Variants in ARHGAP39 observed in about 807,000 individuals in gnomAD.
ARHGAP39 encodes Rho GTPase activating protein 39, also known as rho GTPase-activating protein 39.
Under a neutral mutation model 106.9 loss-of-function variants are expected in ARHGAP39, and 44 were observed. The ratio of observed to expected loss-of-function variants is 0.41; its 90% CI spans 0.32 to 0.53. The LOEUF (loss-of-function observed/expected upper bound fraction) is 0.53, where lower values mean the gene tolerates loss of function less well. ARHGAP39 is among the 20% of genes least tolerant of loss of function. The pLI is 0.21. For missense variants in ARHGAP39, 1,496 were observed against 1,577.3 expected (o/e 0.95, Z 0.87); for synonymous variants, 768 against 693.2 (o/e 1.11, Z -1.69).
At chr8:144,655,164 A>C (rs999252876) in intron 1 of ARHGAP39, among the ~76,000 whole-genome samples, 20 of 152,098 alleles carry the variant, frequency 1.3e-4, no homozygotes, top group African/African-American at 4.8e-4. Context: ...GTGAGGCCCC[A>C]CCTCAGGCAA....
intron 3 of ARHGAP39, 65 bp downstream of exon 3, chr8:144,580,781 G>A: frequency 2.2e-5 from 1 of 45,518 alleles, no homozygotes; most frequent in Non-Finnish European, 3.7e-5. Flanking sequence ...CCCCCTACCT[G>A]CCTCACCTGG....
intron 2 of ARHGAP39, among the ~76,000 whole-genome samples, chr8:144,599,803 T>C (rs571591078): frequency 2.6e-5 from 4 of 151,982 alleles, no homozygotes; most frequent in Admixed American, 1.3e-4. Flanking sequence ...CATGAGGGAA[T>C]GCAAATGAAC....
intron 2 of ARHGAP39, among the ~76,000 whole-genome samples, chr8:144,605,030 GGCCTCCCAAAAGGATC>G (rs1820230506): frequency 6.6e-6 from 1 of 152,092 alleles, no homozygotes; most frequent in Non-Finnish European, 1.5e-5. Flanking sequence ...GGGAGGCCTC[GGCCTCCCAAAAGGATC>G]GCTTGAGCCC....
At chr8:144,531,236 AGGGC>A (rs879705969) in intron 10 of ARHGAP39, among the ~76,000 whole-genome samples, 6,231 of 31,182 alleles carry the variant, frequency 0.2, 179 homozygotes, top group Middle Eastern at 0.36. Context: ...GCACGGCAGA[AGGGC>A]ACAGGGCAGC....
rs1231502749 is a variant in ARHGAP39 at position 144,586,135 on chromosome 8, C to T, written c.81-4858G>A. The T allele has an allele frequency of 6.6e-6, 1 of 152,326 alleles. No individual in the cohort carries two copies. Among genetic ancestry groups the T allele is most frequent in the Non-Finnish European group, 1.5e-5 (1 of 68,144 alleles). The allele number at this position is 152,326 out of a possible 1,614,324, so 9.4% of individuals were successfully genotyped here. ...CTGGGATTACAGGTGTATGCCACCACAGCTGGCTATTTTTTTTGTATTTTT... is the reference window on the plus strand; with the variant it reads ...CTGGGATTACAGGTGTATGCCACCATAGCTGGCTATTTTTTTTGTATTTTT... On this transcript the variant is annotated intron_variant, in intron 2 of 11. Coordinates refer to ENST00000377307, the MANE Select transcript of ARHGAP39 (RefSeq NM_025251.3). The surrounding 1 kb of genome is among the most constrained non-coding windows in gnomAD (Gnocchi z 4.2).
At chr8:144,570,907 A>G (rs1818564433) in intron 3 of ARHGAP39, among the ~76,000 whole-genome samples, 1 of 152,214 alleles carries the variant, frequency 6.6e-6, no homozygotes, top group Non-Finnish European at 1.5e-5. Flanking sequence ...TCCTGGACAC[A>G]TACACCCTCC....
intron 1 of ARHGAP39, among the ~76,000 whole-genome samples, chr8:144,672,720 A>T (rs1822129022): frequency 6.6e-6 from 1 of 152,248 alleles, no homozygotes; most frequent in African/African-American, 2.4e-5. Flanking sequence ...ACAGTAATTT[A>T]CAGAACCCAC....
At position 144,539,966 on chromosome 8, in the gene ARHGAP39, G is replaced by A. The variant is rs374114893; in HGVS notation, c.2522-2153C>T. Among the ~76,000 whole-genome samples the A allele has an allele frequency of 1.1e-4, 17 of 152,190 alleles. No homozygotes were observed. The East Asian group carries it at 1.3e-3, about 12-fold the overall frequency. On this transcript the variant is annotated intron_variant, in intron 6 of 11. Transcript: ENST00000377307. ...ATTTGCATTCAGATTTAATCTATGCGTCGATTTGGTAGAACTGATGGCCTA... is the reference window on the plus strand; with the variant it reads ...ATTTGCATTCAGATTTAATCTATGCATCGATTTGGTAGAACTGATGGCCTA...
At chr8:144,531,275 G>T in intron 10 of ARHGAP39, among the ~76,000 whole-genome samples, 1 of 53,350 alleles carries the variant, frequency 1.9e-5, no homozygotes, top group Non-Finnish European at 4.2e-5. Flanking sequence ...GAGTGGGCTA[G>T]ACATAGCAGG....
chr8:144,597,583 C>T (rs13263066), intron 2 of ARHGAP39, among the ~76,000 whole-genome samples: 3 of 151,860 alleles, frequency 2.0e-5, no homozygotes, highest in Admixed American at 6.6e-5. Context: ...GGGCAGGGGG[C>T]GGGGGGAACC....
At chr8:144,623,625 A>G (rs1820861674) in intron 1 of ARHGAP39, among the ~76,000 whole-genome samples, 1 of 152,222 alleles carries the variant, frequency 6.6e-6, no homozygotes, top group South Asian at 2.1e-4. Context: ...CTGCAGCGAC[A>G]GAGGAGATGG....
At chr8:144,662,778 G>GT (rs150615107) in intron 1 of ARHGAP39, among the ~76,000 whole-genome samples, 1 of 118,090 alleles carries the variant, frequency 8.5e-6, no homozygotes, top group African/African-American at 3.4e-5. Flanking sequence ...ACCTTGGACT[G>GT]TTTCCCCCTC....
intron 1 of ARHGAP39, among the ~76,000 whole-genome samples, chr8:144,667,523 C>T (rs970201906): frequency 7.9e-5 from 12 of 152,246 alleles, no homozygotes; most frequent in African/African-American, 2.4e-4. Flanking sequence ...AGAGCAGGGG[C>T]TTGGCCTGTC....
At chr8:144,654,047 C>T (rs1374739408) in intron 1 of ARHGAP39, among the ~76,000 whole-genome samples, 1 of 152,148 alleles carries the variant, frequency 6.6e-6, no homozygotes, top group East Asian at 1.9e-4. Context: ...CAGTAGTGAA[C>T]CCGAAGGTGG....
rs934164508 is a variant in ARHGAP39, at chr8:144,591,009, C to T, written c.81-9732G>A. On this transcript the variant is annotated intron_variant, in intron 2 of 11. Coordinates refer to ENST00000377307, the MANE Select transcript of ARHGAP39 (RefSeq NM_025251.3). This position sits in a 1 kb window ranked among gnomAD's most constrained non-coding sequence, Gnocchi z 5.3. The stretch of plus-strand genomic sequence containing the variant: ...ATTATACCCTTGACACCTTCCACAG[C>T]TGGCACTGACCCTGGAGTGGGGCAA... Among the ~76,000 whole-genome samples, 1 of 152,250 alleles carries T rather than the reference C, an allele frequency of 6.6e-6. No homozygotes were observed. The highest frequency in any genetic ancestry group is 1.5e-5 in the Non-Finnish European group (1 of 68,046).
At chr8:144,669,625 T>C (rs571317557) in intron 1 of ARHGAP39, among the ~76,000 whole-genome samples, 19 of 152,162 alleles carry the variant, frequency 1.2e-4, no homozygotes, top group African/African-American at 4.1e-4. Flanking sequence ...TGTATATATC[T>C]GATCCGGCAC....
At position 144,663,542 on chromosome 8, in the gene ARHGAP39, A is replaced by G. The variant is rs145944690; in HGVS notation, c.-82+22144T>C. Reference sequence around the variant, plus strand: ...CCAACACTGGGGATTAAACTTCAACACAAGACCTGGCGGGACTGAACAAAC... The same window carrying G: ...CCAACACTGGGGATTAAACTTCAACGCAAGACCTGGCGGGACTGAACAAAC... On this transcript the variant is annotated intron_variant, in intron 1 of 11. Coordinates refer to ENST00000377307, the MANE Select transcript of ARHGAP39 (RefSeq NM_025251.3). 7.8e-4 allele frequency among the ~76,000 whole-genome samples: 118 copies of G among 152,242 alleles called. 1 individual carries two copies. The highest frequency in any genetic ancestry group is 2.8e-3 in the African/African-American group (116 of 41,540).
At chr8:144,685,332 A>T (rs1332798329) in intron 1 of ARHGAP39, among the ~76,000 whole-genome samples, 3 of 150,660 alleles carry the variant, frequency 2.0e-5, no homozygotes. Flanking sequence ...GGGCAGGGAC[A>T]CAACTCACTC....
intron 6 of ARHGAP39, among the ~76,000 whole-genome samples, chr8:144,539,128 G>C (rs1817085873): frequency 6.6e-6 from 1 of 152,142 alleles, no homozygotes; most frequent in Non-Finnish European, 1.5e-5. Flanking sequence ...ACCAAGATCT[G>C]GGTGTGCGAT....
Sources: allele counts gnomAD v4.1 joint callset (sites outside exome capture counted in the v4.1 genomes callset), GRCh38; gene constraint gnomAD v4.1.1; non-coding constraint Gnocchi (gnomAD v3.1); transcripts MANE v1.5; gene names NCBI Gene and HGNC (gene_info 2026-07-23, HGNC 2026-07-21).